NRG1: variants seen among roughly 807,000 people sequenced by gnomAD.
NRG1 encodes the protein pro-neuregulin-1, membrane-bound isoform.
A neutral mutation model predicts 63.8 loss-of-function variants in NRG1; 18 were observed. The ratio of observed to expected loss-of-function variants is 0.28; its 90% confidence interval spans 0.19 to 0.42. NRG1 has a LOEUF of 0.42. Among genes scored for constraint, NRG1 ranks in the 10% least tolerant of loss-of-function variants. The pLI is 1.00. For missense variants in NRG1, 762 were observed against 814.7 expected, an observed-to-expected ratio of 0.94 and a Z score of 0.79; for synonymous variants, 302 against 301.3, an observed-to-expected ratio of 1.00 and a Z score of -0.02.
intron 5 of NRG1, among the ~76,000 whole-genome samples, chr8:32,630,771 C>A (rs1850139354): frequency 2.7e-5 from 4 of 149,230 alleles, no homozygotes; most frequent in Admixed American, 2.7e-4. Flanking sequence ...CTCATCCCTG[C>A]TGTTGTTAAC....
At chr8:31,778,262 C>T (rs1344078178) in intron 1 of NRG1, among the ~76,000 whole-genome samples, 3 of 152,190 alleles carry the variant, frequency 2.0e-5, no homozygotes, top group African/African-American at 7.2e-5. Flanking sequence ...CCTACGGCTT[C>T]CTGTCGTACT....
chr8:32,266,386 A>G (rs904073741), intron 1 of NRG1, among the ~76,000 whole-genome samples: 4 of 152,220 alleles, frequency 2.6e-5, no homozygotes, highest in Non-Finnish European at 5.9e-5. Flanking sequence ...ATCCAAGAAT[A>G]TTAATATCTA....
chr8:32,346,276 A>G (rs1804885731), intron 1 of NRG1, among the ~76,000 whole-genome samples: 1 of 149,170 alleles, frequency 6.7e-6, no homozygotes, highest in Admixed American at 6.7e-5. Context: ...ATATATAAGT[A>G]TATATTTATA....
intron 1 of NRG1, among the ~76,000 whole-genome samples, chr8:31,706,067 G>A (rs999993940): frequency 2.6e-5 from 4 of 152,264 alleles, no homozygotes; most frequent in South Asian, 4.1e-4. Flanking sequence ...TGGATTGCAT[G>A]TTTTCCATTT....
chr8:32,049,953 A>G (rs1009027353), intron 1 of NRG1, among the ~76,000 whole-genome samples: 1 of 152,142 alleles, frequency 6.6e-6, no homozygotes, highest in Non-Finnish European at 1.5e-5. Flanking sequence ...TATGAGTAAG[A>G]TGATTCTATT....
intron 1 of NRG1, among the ~76,000 whole-genome samples, chr8:32,411,831 T>TTATTCTAAA (rs1563427126): frequency 6.6e-6 from 1 of 152,228 alleles, no homozygotes; most frequent in Non-Finnish European, 1.5e-5. Flanking sequence ...TTCTTTGATC[T>TTATTCTAAA]AGCCATCTTA....
At chr8:32,403,913 C>A (rs1813579714) in intron 1 of NRG1, among the ~76,000 whole-genome samples, 3 of 152,202 alleles carry the variant, frequency 2.0e-5, no homozygotes, top group African/African-American at 7.2e-5. Context: ...GCCACCCACT[C>A]CTCTTCTGAG....
intron 1 of NRG1, among the ~76,000 whole-genome samples, chr8:31,751,507 G>C (rs1816460208): frequency 6.6e-6 from 1 of 151,572 alleles, no homozygotes; most frequent in Non-Finnish European, 1.5e-5. Context: ...TAAGAGGGAG[G>C]ATATAGGCAG....
At chr8:32,297,642 A>G (rs1000598503) in intron 1 of NRG1, among the ~76,000 whole-genome samples, 1 of 152,196 alleles carries the variant, frequency 6.6e-6, no homozygotes, top group Non-Finnish European at 1.5e-5. Flanking sequence ...AGCCAAGTAC[A>G]AACCAGAGCG....
chr8:32,323,336 T>C (rs1224020915), intron 1 of NRG1, among the ~76,000 whole-genome samples: 3 of 152,250 alleles, frequency 2.0e-5, no homozygotes, highest in African/African-American at 7.2e-5. Flanking sequence ...TTTTCCAGGT[T>C]TCCTGTTGAT....
At chr8:31,879,085 T>G (rs1412438917) in intron 1 of NRG1, among the ~76,000 whole-genome samples, 1 of 152,038 alleles carries the variant, frequency 6.6e-6, no homozygotes, top group Non-Finnish European at 1.5e-5. Flanking sequence ...AAGGTATAGA[T>G]TCCACATGTA....
rs867646545 is a variant in NRG1, at chr8:32,293,723, T to C, written c.38-302105T>C. On this transcript the variant is annotated intron_variant, in intron 1 of 10. Coordinates refer to the NRG1 transcript ENST00000519301. Reference sequence around the variant, plus strand: ...TTCTTTTTTCTTTTCTTCTTCTTTTTTTTTTTTTTTTTTTGAGATGGAGTT... The same window carrying C: ...TTCTTTTTTCTTTTCTTCTTCTTTTCTTTTTTTTTTTTTTGAGATGGAGTT... 2.4e-3 allele frequency among the ~76,000 whole-genome samples: 339 copies of C among 143,000 alleles called. 2 individuals carry two copies. Among genetic ancestry groups the C allele is most frequent in the African/African-American group, 8.2e-3 (318 of 38,816 alleles). The allele number at this position is 143,000 out of a possible 152,430, so 93.8% of individuals were successfully genotyped here. A position where few individuals can be genotyped will look rare whatever the true frequency, so the allele number is the denominator to read the frequency against.
intron 1 of NRG1, among the ~76,000 whole-genome samples, chr8:32,053,139 G>T (rs1822263727): frequency 6.6e-6 from 1 of 152,150 alleles, no homozygotes; most frequent in Admixed American, 6.5e-5. Context: ...CTATTTTGGA[G>T]ACCCCTTAAC....
chr8:32,291,715 T>C (rs1486520874), intron 1 of NRG1, among the ~76,000 whole-genome samples: 1 of 151,850 alleles, frequency 6.6e-6, no homozygotes, highest in Non-Finnish European at 1.5e-5. Context: ...GCTAATTTGT[T>C]CGTATTTTTA....
At chr8:31,668,358 C>G in intron 1 of NRG1, among the ~76,000 whole-genome samples, 1 of 152,150 alleles carries the variant, frequency 6.6e-6, no homozygotes, top group East Asian at 1.9e-4. Flanking sequence ...GCCCTAGTCA[C>G]AGAAACCCCT....
intron 1 of NRG1, among the ~76,000 whole-genome samples, chr8:32,342,840 A>C (rs1050696751): frequency 2.6e-5 from 4 of 152,192 alleles, no homozygotes; most frequent in African/African-American, 9.7e-5. Context: ...ATTCAGAATA[A>C]ATGAGGTGTC....
At chr8:31,946,732 G>C (rs1257859437) in intron 1 of NRG1, among the ~76,000 whole-genome samples, 1 of 152,164 alleles carries the variant, frequency 6.6e-6, no homozygotes, top group African/African-American at 2.4e-5. Flanking sequence ...CTGTGCCTGA[G>C]AATAGAGCAC....
At chr8:32,356,474 A>ACCCCCCCC (rs11426642) in intron 1 of NRG1, among the ~76,000 whole-genome samples, 1 of 69,322 alleles carries the variant, frequency 1.4e-5, no homozygotes, top group Non-Finnish European at 2.9e-5. Flanking sequence ...CCTTGTTGGG[A>ACCCCCCCC]CCCCCCCCCC....
intron 1 of NRG1, among the ~76,000 whole-genome samples, chr8:31,688,933 T>A (rs1201393512): frequency 6.6e-6 from 1 of 152,208 alleles, no homozygotes; most frequent in East Asian, 1.9e-4. Flanking sequence ...AGGGCTGTCT[T>A]CCCTTCTGGA....
Sources: gnomAD v4.1 joint callset for allele counts (sites outside exome capture counted in the v4.1 genomes callset) on GRCh38, gnomAD v4.1.1 for gene constraint, MANE v1.5 for transcripts, NCBI Gene and HGNC (gene_info 2026-07-23, HGNC 2026-07-21) for gene names.